The following LRP1B variants were observed in gnomAD, a reference collection of about 807,000 sequenced individuals.
LRP1B encodes the protein low-density lipoprotein receptor-related protein 1B.
In LRP1B, 217 loss-of-function variants were observed where a neutral mutation model predicts 556.6. The ratio of observed to expected loss-of-function variants is 0.39; its 90% confidence interval spans 0.35 to 0.44. The LOEUF is 0.44. LRP1B is among the 20% of genes least tolerant of loss of function. The pLI is 1.00. For synonymous variants in LRP1B, 2,047 were observed against 1,865.8 expected (o/e 1.10, Z -2.50); for missense variants, 5,053 against 5,620.8 (o/e 0.90, Z 3.23).
intron 3 of LRP1B, among the ~76,000 whole-genome samples, chr2:141,330,009 A>C (rs866605503): frequency 1.3e-5 from 2 of 152,170 alleles, no homozygotes; most frequent in Non-Finnish European, 2.9e-5. Context: ...AGATAAAAAA[A>C]AAAAGCTTAG....
At chr2:140,584,769 A>G (rs1681915166) in intron 43 of LRP1B, among the ~76,000 whole-genome samples, 1 of 152,136 alleles carries the variant, frequency 6.6e-6, no homozygotes, top group African/African-American at 2.4e-5. Context: ...TGTGTAAGAA[A>G]TAAACACTAT....
chr2:140,563,994 A>C (rs2105085614), intron 43 of LRP1B, among the ~76,000 whole-genome samples: 1 of 152,312 alleles, frequency 6.6e-6, no homozygotes, highest in South Asian at 2.1e-4. Context: ...TAGACAGGGT[A>C]ACAAGGAGAT....
At chr2:141,161,659 C>T (rs994891162) in intron 7 of LRP1B, among the ~76,000 whole-genome samples, 1 of 152,194 alleles carries the variant, frequency 6.6e-6, no homozygotes, top group African/African-American at 2.4e-5. Flanking sequence ...GAGATAATTT[C>T]TCCCTTCAGA....
At chr2:141,262,028 C>A (rs2139148) in intron 3 of LRP1B, among the ~76,000 whole-genome samples, 41,997 of 151,954 alleles carry the variant, frequency 0.28, 6,303 homozygotes, top group Middle Eastern at 0.45. Flanking sequence ...AGCTACTCTA[C>A]CTTCTTCCCA....
chr2:141,401,541 T>A (rs1241970908), intron 3 of LRP1B, among the ~76,000 whole-genome samples: 2 of 152,196 alleles, frequency 1.3e-5, no homozygotes. Flanking sequence ...TGCCTGTCCA[T>A]GTTACATTGC....
chr2:141,761,867 CTA>C, intron 2 of LRP1B, among the ~76,000 whole-genome samples: 1 of 152,142 alleles, frequency 6.6e-6, no homozygotes, highest in Middle Eastern at 3.2e-3. Context: ...TCTAGTATTG[CTA>C]TGTTTTCCTT....
At chr2:140,371,368 G>T in intron 69 of LRP1B, 83 bp from the exon 70 acceptor site, 1 of 571,128 alleles carries the variant, frequency 1.8e-6, no homozygotes, top group South Asian at 3.3e-5. Flanking sequence ...ATAAATATAT[G>T]AATTTATAGA....
chr2:140,699,778 A>G (rs1686563212), intron 41 of LRP1B, among the ~76,000 whole-genome samples: 1 of 147,892 alleles, frequency 6.8e-6, no homozygotes, highest in East Asian at 1.9e-4. Context: ...TATACATGAT[A>G]TATCATATAT....
intron 66 of LRP1B, among the ~76,000 whole-genome samples, chr2:140,415,409 C>T (rs992417958): frequency 6.6e-6 from 1 of 152,126 alleles, no homozygotes; most frequent in Admixed American, 6.5e-5. Context: ...TCTTACACCC[C>T]CTCTCCTTTT....
intron 33 of LRP1B, among the ~76,000 whole-genome samples, chr2:140,772,454 G>A (rs1489212998): frequency 1.3e-5 from 2 of 151,834 alleles, no homozygotes; most frequent in African/African-American, 2.4e-5. Flanking sequence ...GGATTACAGG[G>A]GTCTGCCACC....
At chr2:140,507,923 TG>T (rs1164559001) in intron 52 of LRP1B, among the ~76,000 whole-genome samples, 1 of 152,166 alleles carries the variant, frequency 6.6e-6, no homozygotes, top group African/African-American at 2.4e-5. Context: ...GATAATAAAA[TG>T]TATCTGATAC....
chr2:142,045,758 T>G (rs923078136), intron 1 of LRP1B, among the ~76,000 whole-genome samples: 1 of 151,912 alleles, frequency 6.6e-6, no homozygotes, highest in African/African-American at 2.4e-5. Flanking sequence ...GCAAAAGAGT[T>G]AACAGGTTTT....
chr2:140,907,885 T>C lies in LRP1B; in HGVS notation c.3512A>G (p.Tyr1171Cys), dbSNP rs775516476. 1.9e-6 allele frequency: 3 copies of C among 1,613,362 alleles called. No individual in the cohort carries two copies. Among genetic ancestry groups the C allele is most frequent in the South Asian group, 2.2e-5 (2 of 91,062 alleles). Residue 1171 changes from tyrosine to cysteine, a missense_variant, in exon 22 of 91, where the codon TAT (tyrosine) becomes TGT (cysteine). Transcript: ENST00000389484. ...KDCPDGSDEG[Y>C]LCDECSLNNG... ...AATTAAACATGCAATACCACAGAGA[T>C]AGCCTTCATCAGAGCCATCAGGACA...
chr2:141,482,249 G>A (rs138879501), intron 2 of LRP1B, among the ~76,000 whole-genome samples: 1 of 152,106 alleles, frequency 6.6e-6, no homozygotes, highest in Non-Finnish European at 1.5e-5. Context: ...AAATTATTTT[G>A]TTGGATGCTA....
chr2:141,044,040 C>T (rs3926271), intron 11 of LRP1B, among the ~76,000 whole-genome samples: 90,754 of 151,406 alleles, frequency 0.6, 29,833 homozygotes, highest in Admixed American at 0.71. Context: ...CTACAGTAAC[C>T]AAAACAGCAT....
chr2:140,987,810 C>A (rs993504251), intron 17 of LRP1B, among the ~76,000 whole-genome samples: 1 of 151,904 alleles, frequency 6.6e-6, no homozygotes, highest in African/African-American at 2.4e-5. Flanking sequence ...CATGGTGAAT[C>A]CCTGTTCTCT....
chr2:141,351,375 T>C (rs1161833721), intron 3 of LRP1B, among the ~76,000 whole-genome samples: 1 of 152,072 alleles, frequency 6.6e-6, no homozygotes, highest in Non-Finnish European at 1.5e-5. Context: ...TCCACATTCA[T>C]TTTCCATTAT....
chr2:140,724,682 T>G (rs1464838451), intron 35 of LRP1B, among the ~76,000 whole-genome samples: 2 of 152,198 alleles, frequency 1.3e-5, no homozygotes, highest in African/African-American at 4.8e-5. Flanking sequence ...TGCTGGAATT[T>G]TGTTGTTGTT....
At chr2:140,602,743 TTTTTA>T (rs1423992922) in intron 41 of LRP1B, among the ~76,000 whole-genome samples, 1 of 124,878 alleles carries the variant, frequency 8.0e-6, no homozygotes, top group Non-Finnish European at 1.8e-5. Flanking sequence ...TTTTCATATT[TTTTTA>T]TTTCTTTTTT....
Sources: gnomAD v4.1 joint callset for allele counts (sites outside exome capture counted in the v4.1 genomes callset) on GRCh38, gnomAD v4.1.1 for gene constraint, MANE v1.5 for transcripts, NCBI Gene and HGNC (gene_info 2026-07-23, HGNC 2026-07-21) for gene names.